The following FAT3 variants were observed in gnomAD, a reference collection of about 807,000 sequenced individuals.
The protein encoded by FAT3 is protocadherin Fat 3.
In FAT3, 95 loss-of-function variants were observed where a neutral mutation model predicts 310.2. The observed-to-expected ratio is 0.31, with a 90% CI of 0.26 to 0.36. The LOEUF is 0.36. FAT3 is among the 10% of genes least tolerant of loss of function. The probability of loss-of-function intolerance (pLI) is 1.00; values close to 1 mark genes in which losing one functional copy is unlikely to be tolerated. For synonymous variants in FAT3, 2,314 were observed against 2,192.9 expected (o/e 1.06, Z -1.54); for missense variants, 5,408 against 5,715.6 (o/e 0.95, Z 1.74).
At chr11:92,567,105 T>A (rs1220154204) in intron 3 of FAT3, among the ~76,000 whole-genome samples, 1 of 151,950 alleles carries the variant, frequency 6.6e-6, no homozygotes, top group African/African-American at 2.4e-5. Context: ...CAGGCAACCT[T>A]CAAAATAGGA....
chr11:92,750,711 G>A (rs1273813401), intron 4 of FAT3, among the ~76,000 whole-genome samples: 1 of 152,050 alleles, frequency 6.6e-6, no homozygotes, highest in African/African-American at 2.4e-5. Context: ...TTGGTAGCAT[G>A]GAACGTTAGC....
At chr11:92,625,207 T>C (rs186813378) in intron 3 of FAT3, among the ~76,000 whole-genome samples, 1 of 152,288 alleles carries the variant, frequency 6.6e-6, no homozygotes, top group Non-Finnish European at 1.5e-5. Context: ...TTTGTTAAAT[T>C]TATTATAGTA....
chr11:92,294,364 G>T (rs1166777262), intron 1 of FAT3, among the ~76,000 whole-genome samples: 4 of 152,040 alleles, frequency 2.6e-5, no homozygotes, highest in Admixed American at 6.6e-5. Context: ...ATATGAATTT[G>T]GGGGTGGAAG....
chr11:92,336,337 G>A (rs1248857859), intron 1 of FAT3: 2 of 423,084 alleles, frequency 4.7e-6, no homozygotes, highest in African/African-American at 2.1e-5. Context: ...TCCTGCCAAT[G>A]TACGGTCAGT....
chr11:92,561,923 G>T (rs1813519902), intron 3 of FAT3, among the ~76,000 whole-genome samples: 2 of 152,104 alleles, frequency 1.3e-5, no homozygotes, highest in South Asian at 4.1e-4. Flanking sequence ...ACCATGCCTG[G>T]CCTACCATTT....
At chr11:92,861,489 G>T (rs1038158281) in intron 21 of FAT3, among the ~76,000 whole-genome samples, 3 of 152,166 alleles carry the variant, frequency 2.0e-5, no homozygotes, top group Non-Finnish European at 4.4e-5. Context: ...AAACAAGCAT[G>T]TTTCTGAAAG....
At chr11:92,283,032 A>T (rs1312918200) in intron 1 of FAT3, among the ~76,000 whole-genome samples, 1 of 152,136 alleles carries the variant, frequency 6.6e-6, no homozygotes, top group Non-Finnish European at 1.5e-5. Flanking sequence ...CCTTAAACAG[A>T]TAGTAGAGAT....
chr11:92,356,146 T>A (rs868249510), intron 2 of FAT3, among the ~76,000 whole-genome samples: 4 of 152,222 alleles, frequency 2.6e-5, no homozygotes, highest in South Asian at 2.1e-4. Flanking sequence ...ACAGGTTTTT[T>A]AAAATACTTG....
intron 2 of FAT3, among the ~76,000 whole-genome samples, chr11:92,357,482 C>T (rs941139661): frequency 6.6e-6 from 1 of 152,132 alleles, no homozygotes; most frequent in Admixed American, 6.6e-5. Context: ...ATCCTTGCAA[C>T]CCTGGACTTA....
At chr11:92,461,659 A>C (rs926319173) in intron 2 of FAT3, among the ~76,000 whole-genome samples, 2 of 152,126 alleles carry the variant, frequency 1.3e-5, no homozygotes, top group African/African-American at 2.4e-5. Context: ...ACCTAAAGTT[A>C]AAAACAGATT....
At chr11:92,593,310 G>T (rs190356795) in intron 3 of FAT3, among the ~76,000 whole-genome samples, 10 of 152,070 alleles carry the variant, frequency 6.6e-5, no homozygotes, top group Non-Finnish European at 1.2e-4. Context: ...ATTCTTTTGG[G>T]CATATACCCA....
rs138707294 is a variant in FAT3 at position 92,336,239 on chromosome 11, G to A, written c.-17-15857G>A. ...CGCCAAAGAAGAAGACAACTCACAT[G>A]TTCCAGATGTCCAAAATGGGGTCCT... On this transcript the variant is annotated intron_variant, in intron 1 of 27. Transcript: ENST00000525166. 1.1e-3 allele frequency: 625 copies of A among 562,342 alleles called. 2 individuals are homozygous for A. The highest frequency in any genetic ancestry group is 9.9e-3 in the African/African-American group (529 of 53,208). The allele number at this position is 562,342 out of a possible 1,614,324, so 34.8% of individuals were successfully genotyped here.
At chr11:92,703,157 T>A (rs146401130) in intron 4 of FAT3, among the ~76,000 whole-genome samples, 1 of 152,240 alleles carries the variant, frequency 6.6e-6, no homozygotes, top group Non-Finnish European at 1.5e-5. Context: ...TATAGTTTTA[T>A]TTTCTGAGGG....
intron 14 of FAT3, among the ~76,000 whole-genome samples, chr11:92,833,549 G>A (rs1948320866): frequency 6.6e-6 from 1 of 152,148 alleles, no homozygotes; most frequent in Non-Finnish European, 1.5e-5. Context: ...AGATCTTTCT[G>A]ACTCTAGAAT....
At chr11:92,448,116 T>G (rs1951263813) in intron 2 of FAT3, among the ~76,000 whole-genome samples, 1 of 152,178 alleles carries the variant, frequency 6.6e-6, no homozygotes, top group Non-Finnish European at 1.5e-5. Context: ...TCCCTTAATG[T>G]AAACTGTGAT....
At chr11:92,612,801 C>T (rs113404062) in intron 3 of FAT3, among the ~76,000 whole-genome samples, 107 of 152,236 alleles carry the variant, frequency 7.0e-4, no homozygotes, top group Admixed American at 2.2e-3. Context: ...TAGTGGCATT[C>T]AGGACAGGTC....
intron 4 of FAT3, among the ~76,000 whole-genome samples, chr11:92,729,426 ATT>A (rs1358571849): frequency 1.8e-4 from 25 of 140,370 alleles, no homozygotes; most frequent in Admixed American, 2.2e-4. Context: ...CCCAGACTGA[ATT>A]TTTTTTTTTT....
intron 3 of FAT3, among the ~76,000 whole-genome samples, chr11:92,668,622 A>G (rs991675685): frequency 6.6e-5 from 10 of 152,202 alleles, no homozygotes; most frequent in African/African-American, 2.4e-4. Context: ...ACTTTTCATT[A>G]TTTGTAAAAT....
intron 7 of FAT3, among the ~76,000 whole-genome samples, chr11:92,785,162 A>G (rs969138039): frequency 2.0e-5 from 3 of 152,124 alleles, no homozygotes; most frequent in Non-Finnish European, 2.9e-5. Context: ...CTCTCCCTCA[A>G]AAAAGGCATA....
Sources: gnomAD v4.1 joint callset for allele counts (sites outside exome capture counted in the v4.1 genomes callset) on GRCh38, gnomAD v4.1.1 for gene constraint, MANE v1.5 for transcripts, NCBI Gene and HGNC (gene_info 2026-07-23, HGNC 2026-07-21) for gene names.